The following CA10 variants were observed in gnomAD, a reference collection of about 807,000 sequenced individuals.
The protein encoded by CA10 is carbonic anhydrase-related protein 10.
Under a neutral mutation model 44.2 loss-of-function variants are expected in CA10, and 14 were observed. That is an observed-to-expected ratio of 0.32 (90% CI 0.21 to 0.50). CA10 has a LOEUF of 0.50. CA10 is among the 20% of genes least tolerant of loss of function. CA10 has a pLI of 0.99. For missense variants in CA10, 350 were observed against 409.7 expected (o/e 0.85, Z 1.26); for synonymous variants, 159 against 141.6 (o/e 1.12, Z -0.87).
rs111674192 is a variant in CA10 at position 51,817,011 on chromosome 17, T to A, written c.280-69193A>T. ...TATCTACTGAGATATTGGAGATGTTTGTTAAAGCCATTAGCCCATCCTGAC... is the reference window on the plus strand; with the variant it reads ...TATCTACTGAGATATTGGAGATGTTAGTTAAAGCCATTAGCCCATCCTGAC... On this transcript the variant is annotated intron_variant, in intron 3 of 8. Transcript: ENST00000451037. 1.8e-3 allele frequency among the ~76,000 whole-genome samples: 279 copies of A among 152,356 alleles called. 1 individual carries two copies. Among genetic ancestry groups the A allele is most frequent in the African/African-American group, 6.3e-3 (261 of 41,586 alleles).
intron 4 of CA10, among the ~76,000 whole-genome samples, chr17:51,713,481 A>C (rs1315763462): frequency 1.3e-5 from 2 of 152,198 alleles, no homozygotes; most frequent in East Asian, 3.9e-4. Flanking sequence ...GGGCCTGAAA[A>C]AATACAAATT....
intron 1 of CA10, among the ~76,000 whole-genome samples, chr17:52,123,663 T>C (rs1363972382): frequency 6.6e-6 from 1 of 152,118 alleles, no homozygotes; most frequent in African/African-American, 2.4e-5. Flanking sequence ...GAAAATAACA[T>C]TTCCAGAAGT....
At chr17:51,723,201 C>T (rs1916406206) in intron 4 of CA10, among the ~76,000 whole-genome samples, 1 of 152,188 alleles carries the variant, frequency 6.6e-6, no homozygotes, top group Non-Finnish European at 1.5e-5. Context: ...AGGGATGAGT[C>T]AATCCTGGGC....
intron 2 of CA10, among the ~76,000 whole-genome samples, chr17:52,044,433 A>G (rs1986853049): frequency 6.6e-6 from 1 of 151,992 alleles, no homozygotes; most frequent in Non-Finnish European, 1.5e-5. Context: ...CTTCTCAAAT[A>G]GCTGGGACTA....
At chr17:52,061,867 G>A (rs975567129) in intron 2 of CA10, among the ~76,000 whole-genome samples, 1 of 152,058 alleles carries the variant, frequency 6.6e-6, no homozygotes, top group Non-Finnish European at 1.5e-5. Flanking sequence ...CTAGCACATG[G>A]AGCTATAGGA....
At chr17:52,114,544 T>C (rs1988851008) in intron 1 of CA10, among the ~76,000 whole-genome samples, 2 of 152,200 alleles carry the variant, frequency 1.3e-5, no homozygotes, top group Non-Finnish European at 2.9e-5. Flanking sequence ...AGTAAATTCC[T>C]TATAAATATA....
chr17:51,985,964 G>A (rs566701388), intron 2 of CA10, among the ~76,000 whole-genome samples: 51 of 151,852 alleles, frequency 3.4e-4, no homozygotes, highest in African/African-American at 1.2e-3. Flanking sequence ...TACCATCAAA[G>A]TACCACCATC....
At chr17:51,699,090 G>A (rs950042965) in intron 4 of CA10, among the ~76,000 whole-genome samples, 1 of 152,178 alleles carries the variant, frequency 6.6e-6, no homozygotes, top group African/African-American at 2.4e-5. Flanking sequence ...GGAGGCCAAG[G>A]TGGGTGGATC....
At chr17:51,757,301 A>T (rs976679970) in intron 3 of CA10, among the ~76,000 whole-genome samples, 2 of 152,162 alleles carry the variant, frequency 1.3e-5, no homozygotes, top group African/African-American at 2.4e-5. Flanking sequence ...AGTACCAAAA[A>T]CTGGAGTCAA....
At chr17:51,663,123 A>G (rs1216038758) in intron 4 of CA10, among the ~76,000 whole-genome samples, 1 of 152,204 alleles carries the variant, frequency 6.6e-6, no homozygotes, top group Non-Finnish European at 1.5e-5. Context: ...TCTTTCAGGA[A>G]CTTGGCAGGG....
At chr17:51,760,758 A>G (rs2143636271) in intron 3 of CA10, among the ~76,000 whole-genome samples, 1 of 152,344 alleles carries the variant, frequency 6.6e-6, no homozygotes, top group East Asian at 1.9e-4. Flanking sequence ...ATCCAAAAGA[A>G]ACAGAAGGCA....
intron 1 of CA10, among the ~76,000 whole-genome samples, chr17:52,153,522 T>C (rs944025412): frequency 6.6e-6 from 1 of 152,282 alleles, no homozygotes; most frequent in Non-Finnish European, 1.5e-5. Flanking sequence ...AACTCCATAT[T>C]GGACTCATAG....
intron 3 of CA10, among the ~76,000 whole-genome samples, chr17:51,789,809 A>G (rs1906441461): frequency 6.6e-6 from 1 of 152,014 alleles, no homozygotes; most frequent in African/African-American, 2.4e-5. Context: ...GGTCCACCTC[A>G]CCTTTACCCT....
chr17:51,789,242 A>G (rs918219330), intron 3 of CA10, among the ~76,000 whole-genome samples: 1 of 152,086 alleles, frequency 6.6e-6, no homozygotes, highest in Non-Finnish European at 1.5e-5. Flanking sequence ...TCTCGAACTT[A>G]TGACCTCAGG....
chr17:51,776,268 G>C (rs943077842), intron 3 of CA10, among the ~76,000 whole-genome samples: 3 of 152,082 alleles, frequency 2.0e-5, no homozygotes, highest in Non-Finnish European at 4.4e-5. Flanking sequence ...CCAGCTACTC[G>C]GGAGGCTGAG....
At chr17:52,119,344 T>C (rs925181221) in intron 1 of CA10, among the ~76,000 whole-genome samples, 2 of 152,166 alleles carry the variant, frequency 1.3e-5, no homozygotes, top group East Asian at 3.9e-4. Context: ...TTACCAAAGC[T>C]TTGACTGGAA....
intron 4 of CA10, among the ~76,000 whole-genome samples, chr17:51,705,057 C>T (rs142649326): frequency 8.6e-4 from 130 of 151,978 alleles, no homozygotes; most frequent in African/African-American, 2.7e-3. Context: ...TATTCCTCTT[C>T]GGCTAAAGAT....
At chr17:51,851,477 T>C (rs1978791984) in intron 3 of CA10, among the ~76,000 whole-genome samples, 1 of 152,168 alleles carries the variant, frequency 6.6e-6, no homozygotes, top group Middle Eastern at 3.2e-3. Flanking sequence ...ACCTCACGGG[T>C]TGTTTTGAGG....
At chr17:51,688,996 A>G (rs1915098836) in intron 4 of CA10, among the ~76,000 whole-genome samples, 1 of 152,142 alleles carries the variant, frequency 6.6e-6, no homozygotes, top group Non-Finnish European at 1.5e-5. Context: ...TCTCTATTTT[A>G]TATAAGGGGT....
Sources: gnomAD v4.1 joint callset for allele counts (sites outside exome capture counted in the v4.1 genomes callset) on GRCh38, gnomAD v4.1.1 for gene constraint, MANE v1.5 for transcripts, NCBI Gene and HGNC (gene_info 2026-07-23, HGNC 2026-07-21) for gene names.